ZCCHC7: variants seen among roughly 807,000 people sequenced by gnomAD.
The protein encoded by ZCCHC7 is zinc finger CCHC domain-containing protein 7.
ZCCHC7 carries 35 observed loss-of-function variants against 52.0 expected under a neutral mutation model. The observed-to-expected ratio is 0.67, with a 90% CI of 0.51 to 0.89. The LOEUF is 0.89. Among genes scored for constraint, ZCCHC7 ranks in the 40% least tolerant of loss-of-function variants. The pLI is 0.00. For synonymous variants in ZCCHC7, 217 were observed against 221.5 expected (o/e 0.98, Z 0.18); for missense variants, 574 against 649.1 (o/e 0.88, Z 1.26).
At chr9:37,164,441 TTAGATAGATAGATAGATAGA>T (rs58626855) in intron 2 of ZCCHC7, among the ~76,000 whole-genome samples, 2,019 of 139,524 alleles carry the variant, frequency 0.014, 53 homozygotes, top group East Asian at 0.078. Context: ...TGAGACTGTC[TTAGATAGATAGATAGATAGA>T]TAGATAGATA....
At chr9:37,197,972 T>G (rs1338775350) in intron 2 of ZCCHC7, among the ~76,000 whole-genome samples, 1 of 152,146 alleles carries the variant, frequency 6.6e-6, no homozygotes, top group African/African-American at 2.4e-5. Context: ...TGACTGTCTA[T>G]AAGGAAAAAG....
chr9:37,208,370 G>C (rs1824035518), intron 2 of ZCCHC7, among the ~76,000 whole-genome samples: 1 of 152,124 alleles, frequency 6.6e-6, no homozygotes, highest in African/African-American at 2.4e-5. Context: ...ACAGACGTGA[G>C]CCACCACTCC....
chr9:37,230,444 G>T (rs1825344348), intron 2 of ZCCHC7, among the ~76,000 whole-genome samples: 1 of 152,100 alleles, frequency 6.6e-6, no homozygotes, highest in African/African-American at 2.4e-5. Flanking sequence ...ATCATATATT[G>T]AATTGGGAAG....
intron 2 of ZCCHC7, among the ~76,000 whole-genome samples, chr9:37,254,839 T>TTTTTTTC (rs958212199): frequency 6.9e-5 from 10 of 143,936 alleles, no homozygotes; most frequent in African/African-American, 2.0e-4. Context: ...AAAAGTTTCT[T>TTTTTTTC]TTTTTTTTTT....
chr9:37,129,283 G>C (rs1247523808), intron 2 of ZCCHC7, among the ~76,000 whole-genome samples: 1 of 152,150 alleles, frequency 6.6e-6, no homozygotes, highest in Non-Finnish European at 1.5e-5. Flanking sequence ...GGCAAATGAT[G>C]GTGATGAGAA....
At chr9:37,218,941 CA>C (rs1320822513) in intron 2 of ZCCHC7, among the ~76,000 whole-genome samples, 14 of 129,402 alleles carry the variant, frequency 1.1e-4, no homozygotes, top group Non-Finnish European at 1.9e-4. Context: ...ACTAGAGCAA[CA>C]TTTTTTTTTT....
At chr9:37,120,368 G>C (rs189340349), upstream of ZCCHC7, among the ~76,000 whole-genome samples, 1 of 152,232 alleles carries the variant, frequency 6.6e-6, no homozygotes, top group Non-Finnish European at 1.5e-5. Flanking sequence ...GGAAGGGGAA[G>C]GGGGAAAGCA....
intron 2 of ZCCHC7, among the ~76,000 whole-genome samples, chr9:37,265,420 A>G (rs977927180): frequency 6.6e-6 from 1 of 152,170 alleles, no homozygotes; most frequent in African/African-American, 2.4e-5. Context: ...AAAGTTCGTC[A>G]TTCCTCCCAT....
chr9:37,318,994 T>C (rs1174200951), intron 5 of ZCCHC7, among the ~76,000 whole-genome samples: 1 of 151,750 alleles, frequency 6.6e-6, no homozygotes, highest in East Asian at 1.9e-4. Flanking sequence ...GCTCTTGTTA[T>C]GTCAGGAATT....
chr9:37,340,829 T>G (rs945418875), intron 6 of ZCCHC7, among the ~76,000 whole-genome samples: 1 of 152,180 alleles, frequency 6.6e-6, no homozygotes. Flanking sequence ...TTCATTCCTA[T>G]TAAGCCCTAG....
intron 2 of ZCCHC7, among the ~76,000 whole-genome samples, chr9:37,239,985 A>C (rs543771145): frequency 6.6e-6 from 1 of 152,100 alleles, no homozygotes; most frequent in African/African-American, 2.4e-5. Context: ...AATGTTTGAC[A>C]GTTTCCCTGG....
Position 37,356,852 on chromosome 9 carries a change from G to A in ZCCHC7, c.1216G>A (p.Val406Ile), listed in dbSNP as rs148836574. The change falls in exon 9 of 9, where the codon GTT becomes ATT. Residue 406 changes from valine to isoleucine, a missense_variant. Physicochemically the swap from Val to Ile is conservative, Grantham distance 29 (BLOSUM62 3). Coordinates refer to ENST00000336755, the MANE Select transcript of ZCCHC7 (RefSeq NM_032226.3). ...TTTTTCAGTACTCAAGAAAAATGGGGTTATCCCAGAGCCATCCAAGCTACC... is the reference window on the plus strand; with the variant it reads ...TTTTTCAGTACTCAAGAAAAATGGGATTATCCCAGAGCCATCCAAGCTACC... ...QKIKVLKKNG[V>I]IPEPSKLPYI... 61 of 1,587,032 alleles carry A rather than the reference G, an allele frequency of 3.8e-5. No individual in the cohort carries two copies. In the African/African-American group the frequency reaches 7.7e-4, roughly 20 times the overall value.
chr9:37,199,671 T>G, intron 2 of ZCCHC7, among the ~76,000 whole-genome samples: 1 of 61,890 alleles, frequency 1.6e-5, no homozygotes, highest in East Asian at 2.6e-4. Flanking sequence ...TGTCTGTCTT[T>G]CTCTCTGTCT....
chr9:37,182,609 G>A (rs764211385), intron 2 of ZCCHC7, among the ~76,000 whole-genome samples: 16 of 151,930 alleles, frequency 1.1e-4, no homozygotes, highest in Non-Finnish European at 2.1e-4. Flanking sequence ...TAAGTGATCC[G>A]TCCACCTCAG....
chr9:37,258,790 G>C (rs1187738059), intron 2 of ZCCHC7, among the ~76,000 whole-genome samples: 1 of 115,728 alleles, frequency 8.6e-6, no homozygotes, highest in Non-Finnish European at 1.7e-5. Context: ...AAAAAAGTTT[G>C]TTCTGAGGGC....
chr9:37,210,279 T>C (rs1273493495), intron 2 of ZCCHC7, among the ~76,000 whole-genome samples: 1 of 152,178 alleles, frequency 6.6e-6, no homozygotes, highest in Non-Finnish European at 1.5e-5. Flanking sequence ...GAGAATGACA[T>C]CTAAAAGTCT....
intron 2 of ZCCHC7, among the ~76,000 whole-genome samples, chr9:37,168,247 A>G (rs1296876412): frequency 6.6e-6 from 1 of 152,018 alleles, no homozygotes; most frequent in Non-Finnish European, 1.5e-5. Flanking sequence ...CGTGTTTTAA[A>G]CGCTTTTTCA....
At position 37,191,725 on chromosome 9, in the gene ZCCHC7, G is replaced by A. The variant is rs564941982; in HGVS notation, c.610+64783G>A. ...ACCCTCTGTTAATGAACGCAAACAT[G>A]AATCAAAACTGGGTAGGAATTTTAC... On this transcript the variant is annotated intron_variant, in intron 2 of 8. Transcript: ENST00000336755. Among the ~76,000 whole-genome samples, 22 of 152,314 alleles carry A rather than the reference G, an allele frequency of 1.4e-4. No homozygotes were observed. The East Asian group carries it at 3.9e-3, about 27-fold the overall frequency.
At chr9:37,353,894 G>T (rs958159436) in intron 7 of ZCCHC7, among the ~76,000 whole-genome samples, 1 of 152,172 alleles carries the variant, frequency 6.6e-6, no homozygotes. Flanking sequence ...AAAGGGGAAA[G>T]TTCCAAAAGA....
Sources: gnomAD v4.1 joint callset for allele counts (sites outside exome capture counted in the v4.1 genomes callset) on GRCh38, gnomAD v4.1.1 for gene constraint, MANE v1.5 for transcripts, NCBI Gene and HGNC (gene_info 2026-07-23, HGNC 2026-07-21) for gene names.